Variants in FAM174B observed in about 807,000 individuals in gnomAD.
FAM174B encodes the protein membrane protein FAM174B.
A neutral mutation model predicts 10.9 loss-of-function variants in FAM174B; 12 were observed. The observed-to-expected ratio is 1.10, with a 90% CI of 0.71 to 1.79. FAM174B has a LOEUF of 1.79. FAM174B is among the 40% of genes most tolerant of loss of function. The pLI is 0.00. For missense variants in FAM174B, 266 were observed against 233.3 expected, an observed-to-expected ratio of 1.14 and a Z score of -0.91; for synonymous variants, 132 against 115.8, an observed-to-expected ratio of 1.14 and a Z score of -0.90.
intron 2 of FAM174B, 181 bp from the exon 3 acceptor site, chr15:92,619,640 C>A (rs2050705797): frequency 4.6e-6 from 3 of 654,136 alleles, no homozygotes; most frequent in Non-Finnish European, 5.3e-6. Context: ...CAAACCCCCT[C>A]CCTCCCCACA....
chr15:92,653,786 G>C (rs1056588575), intron 1 of FAM174B, among the ~76,000 whole-genome samples: 6 of 152,262 alleles, frequency 3.9e-5, no homozygotes, highest in Non-Finnish European at 8.8e-5. Flanking sequence ...GGCTAGAAGC[G>C]GGAAACCACA....
intron 1 of FAM174B, among the ~76,000 whole-genome samples, chr15:92,633,300 T>C (rs1393953666): frequency 6.6e-6 from 1 of 152,190 alleles, no homozygotes; most frequent in Non-Finnish European, 1.5e-5. Context: ...TTTCAGATTT[T>C]CTAAAAATTT....
Position 92,617,667 on chromosome 15 carries a change from A to G in FAM174B, c.*1789T>C. The G allele has an allele frequency of 1.5e-6, 1 of 677,892 alleles. No homozygotes were observed. Among genetic ancestry groups the G allele is most frequent in the African/African-American group, 1.8e-5 (1 of 55,406 alleles). 42.0% of individuals were successfully genotyped at this position (677,892 alleles called of 1,614,324 possible). A position where few individuals can be genotyped will look rare whatever the true frequency, so the allele number is the denominator to read the frequency against. On this transcript the variant is annotated 3_prime_UTR_variant, in exon 3 of 3. Transcript: ENST00000327355. ...TGTGTGAGCCAGCAGTTCCAGTTCA[A>G]AGGTTGAGGGGGCGAACAGCTGCGA...
At chr15:92,626,114 A>ATTTT (rs67649021) in intron 2 of FAM174B, among the ~76,000 whole-genome samples, 13 of 105,078 alleles carry the variant, frequency 1.2e-4, no homozygotes, top group African/African-American at 2.6e-4. Flanking sequence ...AGGTTGCTGG[A>ATTTT]TTTTTTTTTT....
chr15:92,645,676 TA>T (rs1467381828), intron 1 of FAM174B: 3 of 152,238 alleles, frequency 2.0e-5, no homozygotes, highest in Non-Finnish European at 2.9e-5. Flanking sequence ...AGGTAGCCCC[TA>T]GGGGCAGCCC....
chr15:92,633,304 A>C (rs917011571), intron 1 of FAM174B, among the ~76,000 whole-genome samples: 6 of 152,212 alleles, frequency 3.9e-5, no homozygotes, highest in Non-Finnish European at 8.8e-5. Context: ...AGATTTTCTA[A>C]AAATTTCTTA....
At chr15:92,620,892 G>A (rs531678739) in intron 2 of FAM174B, among the ~76,000 whole-genome samples, 31 of 148,868 alleles carry the variant, frequency 2.1e-4, no homozygotes, top group Admixed American at 6.7e-4. Context: ...GGGAAAATTT[G>A]ACCAGTTAAA....
intron 1 of FAM174B, chr15:92,634,162 A>T (rs2050837801): frequency 6.6e-6 from 1 of 152,346 alleles, no homozygotes; most frequent in Non-Finnish European, 1.5e-5. Context: ...AATGTCCTTC[A>T]AACCCAAGGA....
chr15:92,625,214 C>A (rs1389042950), intron 2 of FAM174B, among the ~76,000 whole-genome samples: 1 of 143,880 alleles, frequency 7.0e-6, no homozygotes, highest in Non-Finnish European at 1.5e-5. Context: ...TGCCTGTATT[C>A]TTCCTCCTTC....
In FAM174B at chr15:92,619,171, T is replaced by C. The variant is rs755406391; in HGVS notation, c.*285A>G. On this transcript the variant is annotated 3_prime_UTR_variant, in exon 3 of 3. Coordinates refer to ENST00000327355, the MANE Select transcript of FAM174B (RefSeq NM_207446.3). ...CAACATGTTTCTACCCTTTGCTCCTTAGCAAGGCACAAAGCCTCTTACATG... is the reference window on the plus strand; with the variant it reads ...CAACATGTTTCTACCCTTTGCTCCTCAGCAAGGCACAAAGCCTCTTACATG... The C allele has an allele frequency of 1.7e-5, 12 of 701,508 alleles. No homozygotes were observed. In the South Asian group the frequency reaches 1.8e-4, roughly 10 times the overall value. 43.5% of individuals were successfully genotyped at this position (701,508 alleles called of 1,614,324 possible). A position where few individuals can be genotyped will look rare whatever the true frequency, so the allele number is the denominator to read the frequency against.
chr15:92,622,500 G>A (rs2050726388), intron 2 of FAM174B, among the ~76,000 whole-genome samples: 1 of 152,236 alleles, frequency 6.6e-6, no homozygotes, highest in Admixed American at 6.5e-5. Context: ...GGGACAAGCT[G>A]TCTCCAGAGG....
chr15:92,643,096 T>C lies in FAM174B; in HGVS notation c.344+12220A>G, dbSNP rs144544180. 1.2e-3 allele frequency among the ~76,000 whole-genome samples: 189 copies of C among 151,920 alleles called. 1 individual carries two copies. Among genetic ancestry groups the C allele is most frequent in the African/African-American group, 4.4e-3 (182 of 41,402 alleles). On this transcript the variant is annotated intron_variant, in intron 1 of 2. Coordinates refer to ENST00000327355, the MANE Select transcript of FAM174B (RefSeq NM_207446.3). ...GATTTCAGTGATAGATGCACAACTC[T>C]GTAAATATACTAAAAACCATTGAGT...
chr15:92,619,881 A>C (rs1274554762), intron 2 of FAM174B: 2 of 214,384 alleles, frequency 9.3e-6, no homozygotes, highest in African/African-American at 4.6e-5. Context: ...CCACAGCAAG[A>C]AATGCTTGGC....
Position 92,619,247 on chromosome 15 carries a change from G to T in FAM174B, c.*209C>A. The T allele has an allele frequency of 4.2e-6, 3 of 711,186 alleles. No individual in the cohort carries two copies. The highest frequency in any genetic ancestry group is 3.0e-5 in the South Asian group (2 of 67,688). 44.1% of individuals were successfully genotyped at this position (711,186 alleles called of 1,614,324 possible). On this transcript the variant is annotated 3_prime_UTR_variant, in exon 3 of 3. Coordinates refer to ENST00000327355, the MANE Select transcript of FAM174B (RefSeq NM_207446.3). Reference sequence around the variant, plus strand: ...AAGGGATGCCCAAAGGGTGGCAGAAGCAACTCCATTGTGGTGACGTGGAAA... The same window carrying T: ...AAGGGATGCCCAAAGGGTGGCAGAATCAACTCCATTGTGGTGACGTGGAAA...
chr15:92,652,799 G>A (rs2050975411), intron 1 of FAM174B, among the ~76,000 whole-genome samples: 1 of 152,166 alleles, frequency 6.6e-6, no homozygotes, highest in African/African-American at 2.4e-5. Context: ...GCAGGCTAAG[G>A]AGTTGCAGAG....
intron 1 of FAM174B, among the ~76,000 whole-genome samples, chr15:92,640,769 C>T (rs1159485665): frequency 6.6e-6 from 1 of 151,782 alleles, no homozygotes; most frequent in Non-Finnish European, 1.5e-5. Flanking sequence ...CTCAGCCTCC[C>T]AAGTAGCTGG....
chr15:92,628,355 T>G (rs989246697), intron 2 of FAM174B, among the ~76,000 whole-genome samples: 1 of 147,540 alleles, frequency 6.8e-6, no homozygotes, highest in East Asian at 2.0e-4. Flanking sequence ...TTTTTTTTTT[T>G]TTTTTGTAGA....
Position 92,655,448 on chromosome 15 carries a change from TTGGAGC to T in FAM174B, c.206_211del (p.Ser69_Ser70del), listed in dbSNP as rs66488707. On this transcript the variant is annotated inframe_deletion, in exon 1 of 3. Transcript: ENST00000327355. The stretch of plus-strand genomic sequence containing the variant: ...GGTCACCAAGGCGTCGCCACTGCTG[TTGGAGC>T]TGGAGCTGCCGCTGCCGCCCGCCGC... The T allele has an allele frequency of 1, 1,559,690 of 1,565,486 alleles. 777,159 individuals are homozygous for T. The highest frequency in any genetic ancestry group is 1 in the East Asian group (40,195 of 40,198).
intron 1 of FAM174B, 142 bp from the exon 2 acceptor site, chr15:92,630,487 G>C: frequency 2.6e-6 from 2 of 784,026 alleles, no homozygotes; most frequent in Middle Eastern, 3.6e-4. Context: ...GTGAGGATCT[G>C]ATGGAAGGCA....
Sources: gnomAD v4.1 joint callset for allele counts (sites outside exome capture counted in the v4.1 genomes callset) on GRCh38, gnomAD v4.1.1 for gene constraint, MANE v1.5 for transcripts, NCBI Gene and HGNC (gene_info 2026-07-23, HGNC 2026-07-21) for gene names.